SH3TC1: variants seen among roughly 807,000 people sequenced by gnomAD.
The protein encoded by SH3TC1 is SH3 domain and tetratricopeptide repeat-containing protein 1.
In SH3TC1, 135 loss-of-function variants were observed where a neutral mutation model predicts 117.3. The ratio of observed to expected loss-of-function variants is 1.15; its 90% CI spans 1.00 to 1.33. The LOEUF (loss-of-function observed/expected upper bound fraction) is 1.33. SH3TC1 is among the 40% of genes most tolerant of loss of function. SH3TC1 has a pLI of 0.00. For synonymous variants in SH3TC1, 898 were observed against 816.9 expected (o/e 1.10, Z -1.69); for missense variants, 2,092 against 1,794.3 (o/e 1.17, Z -3.00).
chr4:8,192,858 G>T lies in SH3TC1; in HGVS notation c.-57+10648G>T, dbSNP rs549101850. Among the ~76,000 whole-genome samples, 1 of 152,268 alleles carries T rather than the reference G, an allele frequency of 6.6e-6. No individual in the cohort carries two copies. Among genetic ancestry groups the T allele is most frequent in the South Asian group, 2.1e-4 (1 of 4,826 alleles). On this transcript the variant is annotated intron_variant, in intron 1 of 16. Coordinates refer to the SH3TC1 transcript ENST00000508641. The surrounding 1 kb of genome is among the most constrained non-coding windows in gnomAD (Gnocchi z 4.1). ...AGGTTCATGTCGCCACCTGGTGATT[G>T]GCTTCTCTGTGCATATATTTGCACA... is the stretch of plus-strand genomic sequence containing the variant.
chr4:8,188,840 A>G (rs1717317578), intron 1 of SH3TC1, among the ~76,000 whole-genome samples: 1 of 152,228 alleles, frequency 6.6e-6, no homozygotes, highest in African/African-American at 2.4e-5. Context: ...TGGAGCCTGC[A>G]CTGGGTACCC....
intron 6 of SH3TC1, among the ~76,000 whole-genome samples, chr4:8,216,714 C>T (rs532601053): frequency 6.6e-5 from 10 of 152,252 alleles, no homozygotes; most frequent in Admixed American, 6.5e-4. Flanking sequence ...GTCAGGGAAA[C>T]TGAGGCCCAG....
chr4:8,207,517 A>T (rs536777194), intron 2 of SH3TC1, among the ~76,000 whole-genome samples: 2 of 152,348 alleles, frequency 1.3e-5, no homozygotes, highest in South Asian at 4.1e-4. Context: ...TCCTTGCGAC[A>T]GAGGCTGCCA....
At chr4:8,224,930 T>G (rs938234615) in intron 10 of SH3TC1, 2 of 504,896 alleles carry the variant, frequency 4.0e-6, no homozygotes. Flanking sequence ...CATTGGCTGG[T>G]GCCTCTCCCT....
chr4:8,184,487 C>T (rs1469125379), intron 1 of SH3TC1, among the ~76,000 whole-genome samples: 1 of 152,220 alleles, frequency 6.6e-6, no homozygotes, highest in East Asian at 1.9e-4. Flanking sequence ...TCAAATAATC[C>T]TCCTGGCTTA....
At chr4:8,203,803 C>G (rs1271709261) in intron 1 of SH3TC1, among the ~76,000 whole-genome samples, 1 of 152,152 alleles carries the variant, frequency 6.6e-6, no homozygotes, top group Non-Finnish European at 1.5e-5. Context: ...GGCCTCCTGC[C>G]TCCCCTTCAC....
intron 11 of SH3TC1, among the ~76,000 whole-genome samples, chr4:8,226,449 C>A (rs1178789351): frequency 6.6e-6 from 1 of 152,216 alleles, no homozygotes; most frequent in Non-Finnish European, 1.5e-5. Context: ...CATCCCTGTC[C>A]TCTGCTGTGG....
At chr4:8,191,587 G>A (rs1717417183) in intron 1 of SH3TC1, among the ~76,000 whole-genome samples, 2 of 152,166 alleles carry the variant, frequency 1.3e-5, no homozygotes. Flanking sequence ...CCTTTCCGGG[G>A]GATGACTCAT....
chr4:8,228,535 C>A lies in SH3TC1; in HGVS notation c.2841C>A (p.His947Gln). 1 of 1,610,908 alleles carries A rather than the reference C, an allele frequency of 6.2e-7. No individual in the cohort carries two copies. The highest frequency in any genetic ancestry group is 8.5e-7 in the Non-Finnish European group (1 of 1,179,290). Residue 947 changes from histidine (H) to glutamine (Q), a missense_variant, in exon 12 of 18, where the codon CAC becomes CAA. By Grantham distance (24) the His-to-Gln change is conservative (BLOSUM62 0). Transcript: ENST00000245105. ...GGGAGTGTGGCCGGGACTTCACCCACGTGCTCCTGCAGCTGGGCCATCTCT... is the reference window on the plus strand; with the variant it reads ...GGGAGTGTGGCCGGGACTTCACCCAAGTGCTCCTGCAGCTGGGCCATCTCT... ...PLGECGRDFTHVLLQLGHLCT... is the reference protein window; with the variant it reads ...PLGECGRDFTQVLLQLGHLCT...
chr4:8,235,582 G>C, intron 15 of SH3TC1, 27 bp downstream of exon 15: 1 of 1,559,708 alleles, frequency 6.4e-7, no homozygotes, highest in Non-Finnish European at 8.7e-7. Flanking sequence ...GCTGATGTGG[G>C]TGGGCCCCAG....
chr4:8,227,227 C>T lies in SH3TC1; in HGVS notation c.1533C>T (p.Tyr511=), dbSNP rs767829990. 15 of 1,576,922 alleles carry T rather than the reference C, an allele frequency of 9.5e-6. No homozygotes were observed. The South Asian group carries it at 1.4e-4, about 14-fold the overall frequency. Residue 511 remains tyrosine, a synonymous_variant, in exon 12 of 18, where the codon TAC becomes TAT. Transcript: ENST00000245105. Reference sequence around the variant, plus strand: ...TGCTGTTCCTGAACGCCCCTGGGTACAAGGCCAGCTTCCGTGGCCTGTACG... The same window carrying T: ...TGCTGTTCCTGAACGCCCCTGGGTATAAGGCCAGCTTCCGTGGCCTGTACG... ...SLLLFLNAPG[Y]KASFRGLYDV...
At chr4:8,219,737 AG>A (rs1719722747) in intron 9 of SH3TC1, among the ~76,000 whole-genome samples, 1 of 152,200 alleles carries the variant, frequency 6.6e-6, no homozygotes, top group Non-Finnish European at 1.5e-5. Context: ...GGGCTGCTGC[AG>A]GGAGAGCGTT....
In SH3TC1 at chr4:8,214,529, A is replaced by G. The variant is rs776737544; in HGVS notation, c.430A>G (p.Thr144Ala). 7.4e-6 allele frequency: 12 copies of G among 1,613,790 alleles called. No homozygotes were observed. The African/African-American group carries it at 1.6e-4, about 22-fold the overall frequency. ...IHSDQDRIVVTFKTFEEIWKF... is the reference protein window; with the variant it reads ...IHSDQDRIVVAFKTFEEIWKF... The stretch of plus-strand genomic sequence containing the variant: ...CAGTGACCAGGACCGGATCGTGGTG[A>G]CGTTTAAGACTTTTGAAGAAATCTG... The change falls in exon 5 of 18, where the codon ACG becomes GCG. Residue 144 changes from threonine (T) to alanine (A), a missense_variant. Physicochemically the swap from Thr to Ala is moderately conservative, Grantham distance 58 (BLOSUM62 0). Transcript: ENST00000245105.
Position 8,209,662 on chromosome 4 carries a change from CAG to C in SH3TC1, c.173-80_173-79del, listed in dbSNP as rs1561683735. On this transcript the variant is annotated intron_variant, in intron 2 of 17. Transcript: ENST00000245105. This position sits in a 1 kb window ranked among gnomAD's most constrained non-coding sequence, Gnocchi z 5.9. ...GGGACAGAACTCACCTCTTTTCTTG[CAG>C]AGAGACCTGGAGCGTTTGGCGCCTT... is the stretch of plus-strand genomic sequence containing the variant. The C allele has an allele frequency of 6.3e-7, 1 of 1,580,480 alleles. No individual in the cohort carries two copies. Among genetic ancestry groups the C allele is most frequent in the Non-Finnish European group, 8.6e-7 (1 of 1,163,716 alleles).
At chr4:8,231,710 C>T (rs924494304) in intron 12 of SH3TC1, 1 of 508,958 alleles carries the variant, frequency 2.0e-6, no homozygotes, top group African/African-American at 1.9e-5. Flanking sequence ...GCCAGAGGGG[C>T]TTTGTGAAGC....
intron 4 of SH3TC1, chr4:8,213,284 T>G (rs956482649): frequency 6.9e-5 from 11 of 158,378 alleles, no homozygotes; most frequent in Non-Finnish European, 1.4e-4. Flanking sequence ...GGCTGAGGGC[T>G]GGGGGCTTGG....
At chr4:8,232,522 G>A (rs774898903) in intron 13 of SH3TC1, 1 of 1,382,842 alleles carries the variant, frequency 7.2e-7, no homozygotes, top group South Asian at 1.1e-5. Context: ...GCCTTCACCT[G>A]TCCCCTTAAA....
Position 8,236,342 on chromosome 4 carries a change from A to G in SH3TC1, c.3470A>G (p.Lys1157Arg). Residue 1157 changes from lysine (K) to arginine (R), a missense_variant, in exon 16 of 18, where the codon AAG (lysine) becomes AGG (arginine). Transcript: ENST00000245105. Reference protein sequence around the residue: ...NRKAELRLCNKLVALLATLEE... With the variant: ...NRKAELRLCNRLVALLATLEE... ...AAGGCGGAGCTGCGGCTGTGCAACAAGCTGGTGGCACTGCTGGCCACGCTG... is the reference window on the plus strand; with the variant it reads ...AAGGCGGAGCTGCGGCTGTGCAACAGGCTGGTGGCACTGCTGGCCACGCTG... 6.4e-7 allele frequency: 1 copy of G among 1,552,354 alleles called. No homozygotes were observed. The highest frequency in any genetic ancestry group is 1.2e-5 in the South Asian group (1 of 84,202).
chr4:8,201,661 T>G (rs1717852161), intron 1 of SH3TC1: 1 of 152,256 alleles, frequency 6.6e-6, no homozygotes, highest in Admixed American at 6.5e-5. Flanking sequence ...AGGAGCTCAC[T>G]TCCTCATCGC....
Sources: gnomAD v4.1 joint callset for allele counts (sites outside exome capture counted in the v4.1 genomes callset) on GRCh38, gnomAD v4.1.1 for gene constraint, Gnocchi (gnomAD v3.1) non-coding constraint, MANE v1.5 for transcripts, NCBI Gene and HGNC (gene_info 2026-07-23, HGNC 2026-07-21) for gene names.